Variants in JPH3 observed in about 807,000 individuals in gnomAD.
The protein encoded by JPH3 is junctophilin 3.
In JPH3, 11 loss-of-function variants were observed where a neutral mutation model predicts 59.6. The observed-to-expected ratio is 0.18, with a 90% CI of 0.12 to 0.31. The LOEUF (loss-of-function observed/expected upper bound fraction) is 0.31, where lower values mean the gene tolerates loss of function less well. Ranked by LOEUF, JPH3 falls within the 10% of genes least tolerant of loss-of-function variation. JPH3 has a pLI of 1.00. For missense variants in JPH3, 1,202 were observed against 1,105.7 expected (o/e 1.09, Z -1.24); for synonymous variants, 673 against 483.6 (o/e 1.39, Z -5.14).
chr16:87,684,391 C>T, intron 3 of JPH3, 125 bp downstream of exon 3: 1 of 1,426,046 alleles, frequency 7.0e-7, no homozygotes, highest in Non-Finnish European at 9.4e-7. Context: ...CAGCTGCTCC[C>T]CTGCCCGGTG....
intron 3 of JPH3, 182 bp downstream of exon 3, chr16:87,684,448 G>A: frequency 1.1e-6 from 1 of 915,650 alleles, no homozygotes; most frequent in Non-Finnish European, 1.6e-6. Flanking sequence ...GGCCTGGCCT[G>A]GCTCCCCGGG....
intron 4 of JPH3, among the ~76,000 whole-genome samples, chr16:87,692,868 G>C (rs1390265901): frequency 6.6e-6 from 1 of 152,198 alleles, no homozygotes; most frequent in Non-Finnish European, 1.5e-5. Flanking sequence ...CCCAGAGCAC[G>C]GGCTGGACTG....
chr16:87,652,009 C>G (rs1446612832), intron 2 of JPH3, among the ~76,000 whole-genome samples: 1 of 151,764 alleles, frequency 6.6e-6, no homozygotes, highest in East Asian at 1.9e-4. Context: ...GAGTCTCGCT[C>G]TGTTGCCCAG....
chr16:87,695,371 G>A (rs188613791), intron 4 of JPH3: 137 of 456,142 alleles, frequency 3.0e-4, no homozygotes, highest in African/African-American at 1.1e-3. Context: ...CCTGAGGAAT[G>A]TGCATCCTGG....
Position 87,666,225 on chromosome 16 carries a change from A to T in JPH3, c.1161-17917A>T, listed in dbSNP as rs945645759. Among the ~76,000 whole-genome samples the T allele has an allele frequency of 9.9e-5, 15 of 151,432 alleles. No individual in the cohort carries two copies. In the East Asian group the frequency reaches 2.3e-3, roughly 24 times the overall value. ...TGCCTCAGGCTCCCAAGTATCTGGG[A>T]TTACAGGCACCTGCCACCATGCCCA... On this transcript the variant is annotated intron_variant, in intron 2 of 4. Coordinates refer to ENST00000284262, the MANE Select transcript of JPH3 (RefSeq NM_020655.4).
chr16:87,642,886 A>T (rs2032002085), intron 1 of JPH3, among the ~76,000 whole-genome samples: 1 of 152,176 alleles, frequency 6.6e-6, no homozygotes, highest in African/African-American at 2.4e-5. Flanking sequence ...TTTTTATTTT[A>T]TTGTGGTAAG....
At chr16:87,691,087 C>CCG (rs1555543743) in intron 4 of JPH3, among the ~76,000 whole-genome samples, 1 of 51,822 alleles carries the variant, frequency 1.9e-5, no homozygotes, top group Non-Finnish European at 3.8e-5. Flanking sequence ...TCACCCAGCA[C>CCG]CCCCCCCCCA....
intron 2 of JPH3, among the ~76,000 whole-genome samples, chr16:87,662,004 C>A (rs927403269): frequency 6.6e-6 from 1 of 152,180 alleles, no homozygotes; most frequent in Admixed American, 6.5e-5. Context: ...TTAATTCAGG[C>A]GGCTATGCAT....
intron 2 of JPH3, among the ~76,000 whole-genome samples, chr16:87,673,932 AT>A (rs1207033256): frequency 6.6e-6 from 1 of 151,932 alleles, no homozygotes; most frequent in East Asian, 1.9e-4. Context: ...TCTCAAAAAA[AT>A]AAAATATAAA....
intron 2 of JPH3, among the ~76,000 whole-genome samples, chr16:87,668,548 C>G (rs565824091): frequency 2.0e-4 from 30 of 152,316 alleles, no homozygotes; most frequent in Middle Eastern, 6.8e-3. Context: ...GCAGTTTCCT[C>G]TTCTATAAAT....
chr16:87,677,185 T>TATACACACAC (rs1491266129), intron 2 of JPH3, among the ~76,000 whole-genome samples: 2,522 of 94,828 alleles, frequency 0.027, 54 homozygotes, highest in Non-Finnish European at 0.031. Context: ...TATATATATA[T>TATACACACAC]ACACACACAC....
At chr16:87,628,385 C>G (rs1317873842) in intron 1 of JPH3, among the ~76,000 whole-genome samples, 1 of 152,248 alleles carries the variant, frequency 6.6e-6, no homozygotes, top group Non-Finnish European at 1.5e-5. Flanking sequence ...GAGTGAGCCC[C>G]CATCCCTGGC....
At chr16:87,629,292 C>G (rs1045315174) in intron 1 of JPH3, among the ~76,000 whole-genome samples, 20 of 150,816 alleles carry the variant, frequency 1.3e-4, no homozygotes, top group African/African-American at 4.3e-4. Flanking sequence ...TTTTCTGTCC[C>G]CACTACAAAA....
intron 4 of JPH3, chr16:87,695,755 G>A (rs1410344034): frequency 2.2e-6 from 1 of 456,094 alleles, no homozygotes; most frequent in East Asian, 6.9e-5. Flanking sequence ...GCAGAACACA[G>A]CAGAGTGCAG....
chr16:87,618,954 T>C lies in JPH3; in HGVS notation c.382+15426T>C, dbSNP rs565831732. 2.0e-5 allele frequency among the ~76,000 whole-genome samples: 3 copies of C among 152,110 alleles called. No individual in the cohort carries two copies. In the South Asian group the frequency reaches 6.2e-4, roughly 32 times the overall value. On this transcript the variant is annotated intron_variant, in intron 1 of 4. Coordinates refer to ENST00000284262, the MANE Select transcript of JPH3 (RefSeq NM_020655.4). Reference sequence around the variant, plus strand: ...AAATGGGAAAATGAGCTGGGCGTGATGGCAGGCGCCTGTAATCCCAGCTAC... The same window carrying C: ...AAATGGGAAAATGAGCTGGGCGTGACGGCAGGCGCCTGTAATCCCAGCTAC...
chr16:87,622,613 T>G (rs934579), intron 1 of JPH3, among the ~76,000 whole-genome samples: 3 of 133,458 alleles, frequency 2.2e-5, no homozygotes, highest in East Asian at 2.1e-4. Flanking sequence ...GATGGAAGTC[T>G]GCCAGAGGCG....
intron 1 of JPH3, among the ~76,000 whole-genome samples, chr16:87,640,978 A>G (rs1392499678): frequency 6.6e-6 from 1 of 152,146 alleles, no homozygotes; most frequent in Non-Finnish European, 1.5e-5. Context: ...GCCTAGTTCC[A>G]GTTTCCTCCT....
intron 1 of JPH3, among the ~76,000 whole-genome samples, chr16:87,634,750 G>A (rs1418887951): frequency 6.6e-6 from 1 of 152,254 alleles, no homozygotes; most frequent in Non-Finnish European, 1.5e-5. Flanking sequence ...AACGGAGGCT[G>A]TGACCCGCCA....
At chr16:87,672,779 C>G (rs2033050493) in intron 2 of JPH3, among the ~76,000 whole-genome samples, 1 of 152,162 alleles carries the variant, frequency 6.6e-6, no homozygotes, top group South Asian at 2.1e-4. Context: ...TGGTATTGGG[C>G]CGCTCAGGTG....
Sources: gnomAD v4.1 joint callset for allele counts (sites outside exome capture counted in the v4.1 genomes callset) on GRCh38, gnomAD v4.1.1 for gene constraint, MANE v1.5 for transcripts, NCBI Gene and HGNC (gene_info 2026-07-23, HGNC 2026-07-21) for gene names.